Variants in C4orf50 observed in about 807,000 individuals in gnomAD.
C4orf50 encodes uncharacterized protein C4orf50.
Under a neutral mutation model 77.2 loss-of-function variants are expected in C4orf50, and 80 were observed. That is an observed-to-expected ratio of 1.04 (90% CI 0.87 to 1.25). The LOEUF (loss-of-function observed/expected upper bound fraction) is 1.25. Among genes scored for constraint, C4orf50 ranks in the 50% most tolerant of loss-of-function variants. C4orf50 has a pLI of 0.00. For missense variants in C4orf50, 1,257 were observed against 1,152.9 expected (o/e 1.09, Z -1.31); for synonymous variants, 532 against 465.3 (o/e 1.14, Z -1.84).
rs576344937 is a variant in C4orf50, at chr4:5,967,379, C to G, written c.4153+35G>C. On this transcript the variant is annotated intron_variant, in intron 32 of 33. Transcript: ENST00000531445. ...CCTGCCGGCCTGGACTTTTTCTGAG[C>G]ACACAGGCTTTTCCTGATCAAAAAT... 4.4e-6 allele frequency: 7 copies of G among 1,580,806 alleles called. No individual in the cohort carries two copies. The South Asian group carries it at 7.7e-5, about 17-fold the overall frequency.
downstream of C4orf50, chr4:5,956,756 C>T (rs973644663): frequency 7.9e-5 from 12 of 152,424 alleles, no homozygotes; most frequent in South Asian, 8.3e-4. Flanking sequence ...TGTTTGCTGA[C>T]AGTCCGTGTG....
intron 7 of C4orf50, among the ~76,000 whole-genome samples, chr4:5,918,764 C>A (rs1202124770): frequency 6.6e-6 from 1 of 152,206 alleles, no homozygotes; most frequent in Non-Finnish European, 1.5e-5. Flanking sequence ...TGCAAATGGG[C>A]CCCACTGCAG....
chr4:6,000,075 G>A lies in C4orf50; in HGVS notation c.964-5599C>T, dbSNP rs780586997. Among the ~76,000 whole-genome samples, 7 of 152,110 alleles carry A rather than the reference G, an allele frequency of 4.6e-5. No individual in the cohort carries two copies. Among genetic ancestry groups the A allele is most frequent in the East Asian group, 1.9e-4 (1 of 5,184 alleles). On this transcript the variant is annotated intron_variant, in intron 25 of 33. Coordinates refer to ENST00000531445, the Ensembl canonical transcript of C4orf50. The surrounding 1 kb of genome is among the most constrained non-coding windows in gnomAD (Gnocchi z 6.0). ...CAGCCATGGTGGGGTGCTTATGGAG[G>A]GAGATCCTTTGACAGTCACCACTGT... is the stretch of plus-strand genomic sequence containing the variant.
intron 27 of C4orf50, among the ~76,000 whole-genome samples, chr4:5,991,659 T>G (rs1468507443): frequency 2.0e-5 from 3 of 152,098 alleles, no homozygotes; most frequent in African/African-American, 7.2e-5. Context: ...CCTGGCAGGC[T>G]GCAGGCAGTT....
At chr4:6,002,453 C>T (rs761624001) in intron 25 of C4orf50, among the ~76,000 whole-genome samples, 11 of 152,228 alleles carry the variant, frequency 7.2e-5, no homozygotes, top group Admixed American at 3.9e-4. Context: ...AGGAAAATAA[C>T]ATGCTGTGCC....
At chr4:5,948,422 T>C (rs1212971405) in intron 7 of C4orf50, among the ~76,000 whole-genome samples, 1 of 152,102 alleles carries the variant, frequency 6.6e-6, no homozygotes, top group East Asian at 1.9e-4. Flanking sequence ...ATCCACACTT[T>C]GGGAGGCCGA....
chr4:5,907,269 C>T (rs534221675), intron 7 of C4orf50, among the ~76,000 whole-genome samples: 5 of 152,208 alleles, frequency 3.3e-5, no homozygotes, highest in East Asian at 1.9e-4. Flanking sequence ...ATGGAACAAC[C>T]GTTTAAGAAG....
chr4:5,953,512 A>G (rs1274229733), downstream of C4orf50, among the ~76,000 whole-genome samples: 1 of 152,154 alleles, frequency 6.6e-6, no homozygotes, highest in Non-Finnish European at 1.5e-5. Context: ...AGGTGCTGGG[A>G]CTATTTGGTG....
intron 7 of C4orf50, among the ~76,000 whole-genome samples, chr4:5,920,503 G>T (rs1295668200): frequency 6.9e-6 from 1 of 145,890 alleles, no homozygotes; most frequent in African/African-American, 2.5e-5. Context: ...TTGAGATGGA[G>T]TCTCACTCTG....
intron 31 of C4orf50, among the ~76,000 whole-genome samples, chr4:5,971,081 AG>A (rs1304921428): frequency 1.3e-5 from 2 of 152,166 alleles, no homozygotes; most frequent in Admixed American, 6.5e-5. Flanking sequence ...TATTCCTGGA[AG>A]GTACATCAGC....
At chr4:5,972,913 T>C (rs1235489565) in intron 31 of C4orf50, among the ~76,000 whole-genome samples, 1 of 152,244 alleles carries the variant, frequency 6.6e-6, no homozygotes, top group Non-Finnish European at 1.5e-5. Flanking sequence ...TGTCCCTGTG[T>C]GCACTGCCTG....
rs1416472724 is a variant in C4orf50 at position 5,970,039 on chromosome 4, C to T, written c.4105-2577G>A. ...TCCTTTGGTACCCGGGCCTCTGCCTCCAAGGTCTCAGGGACGGGGAAAGGG... is the reference window on the plus strand; with the variant it reads ...TCCTTTGGTACCCGGGCCTCTGCCTTCAAGGTCTCAGGGACGGGGAAAGGG... On this transcript the variant is annotated intron_variant, in intron 31 of 33. Coordinates refer to ENST00000531445, the Ensembl canonical transcript of C4orf50. The surrounding 1 kb of genome is among the most constrained non-coding windows in gnomAD (Gnocchi z 4.3). Among the ~76,000 whole-genome samples, 2 of 151,986 alleles carry T rather than the reference C, an allele frequency of 1.3e-5. No homozygotes were observed. Among genetic ancestry groups the T allele is most frequent in the African/African-American group, 4.8e-5 (2 of 41,362 alleles).
chr4:5,960,586 C>T (rs1719218493), intron 33 of C4orf50, among the ~76,000 whole-genome samples: 1 of 152,192 alleles, frequency 6.6e-6, no homozygotes, highest in Non-Finnish European at 1.5e-5. Context: ...TTGTCCCTGC[C>T]CTCAGAGCAC....
chr4:5,962,398 T>C (rs1377653770), intron 33 of C4orf50, among the ~76,000 whole-genome samples: 1 of 152,252 alleles, frequency 6.6e-6, no homozygotes, highest in African/African-American at 2.4e-5. Flanking sequence ...CATAAGGGTA[T>C]TAAGATGCAT....
chr4:5,925,016 G>C (rs1437834980), intron 7 of C4orf50, among the ~76,000 whole-genome samples: 3 of 152,066 alleles, frequency 2.0e-5, no homozygotes, highest in African/African-American at 7.2e-5. Context: ...GAGAGGTTTG[G>C]GGGGTGGGGC....
In C4orf50 at chr4:5,929,888, G is replaced by A. The variant is rs1482958571; in HGVS notation, c.*2474+27013C>T. ...TTAAGCTGTGTTGTGACAATAACCA[G>A]CTTTAAATATTAGCTACCCCGCAGT... On this transcript the variant is annotated intron_variant, in intron 7 of 7. Transcript: ENST00000324058. 3.3e-5 allele frequency among the ~76,000 whole-genome samples: 5 copies of A among 152,364 alleles called. 1 individual carries two copies. Among genetic ancestry groups the A allele is most frequent in the African/African-American group, 1.2e-4 (5 of 41,586 alleles).
chr4:5,908,067 T>C lies in C4orf50; in HGVS notation c.*2475-9879A>G, dbSNP rs1716634913. ...TTCATTCATTCATTCATTCATTTGC[T>C]TGTTTATTCATTCACTCATTTATTT... On this transcript the variant is annotated intron_variant, in intron 7 of 7. Coordinates refer to the C4orf50 transcript ENST00000324058. This position sits in a 1 kb window ranked among gnomAD's most constrained non-coding sequence, Gnocchi z 5.6. Among the ~76,000 whole-genome samples the C allele has an allele frequency of 1.3e-5, 2 of 152,250 alleles. No individual in the cohort carries two copies. The highest frequency in any genetic ancestry group is 2.9e-5 in the Non-Finnish European group (2 of 68,044).
chr4:5,960,577 T>A (rs1032118246), intron 33 of C4orf50, among the ~76,000 whole-genome samples: 2 of 152,220 alleles, frequency 1.3e-5, no homozygotes, highest in African/African-American at 4.8e-5. Flanking sequence ...AGCCTGACCT[T>A]GTCCCTGCCC....
chr4:6,002,849 G>A (rs1721892104), intron 25 of C4orf50, among the ~76,000 whole-genome samples: 1 of 152,242 alleles, frequency 6.6e-6, no homozygotes, highest in Non-Finnish European at 1.5e-5. Context: ...CTCCTTGGTT[G>A]TGTGACCCTG....
Sources: gnomAD v4.1 joint callset for allele counts (sites outside exome capture counted in the v4.1 genomes callset) on GRCh38, gnomAD v4.1.1 for gene constraint, Gnocchi (gnomAD v3.1) non-coding constraint, MANE v1.5 for transcripts, NCBI Gene and HGNC (gene_info 2026-07-23, HGNC 2026-07-21) for gene names.